Variants in CRISPLD2 observed in about 807,000 individuals in gnomAD.
CRISPLD2 encodes the protein cysteine rich secretory protein LCCL domain containing 2.
Under a neutral mutation model 71.1 loss-of-function variants are expected in CRISPLD2, and 47 were observed. That is an observed-to-expected ratio of 0.66 (90% CI 0.52 to 0.84). The LOEUF (loss-of-function observed/expected upper bound fraction) is 0.84, where lower values mean the gene tolerates loss of function less well. Ranked by LOEUF, CRISPLD2 falls within the 40% of genes least tolerant of loss-of-function variation. The pLI is 0.00. For synonymous variants in CRISPLD2, 317 were observed against 250.1 expected (o/e 1.27, Z -2.52); for missense variants, 830 against 651.1 (o/e 1.27, Z -2.99).
intron 4 of CRISPLD2, among the ~76,000 whole-genome samples, chr16:84,849,943 C>G (rs528871200): frequency 6.8e-6 from 1 of 147,690 alleles, no homozygotes; most frequent in Non-Finnish European, 1.5e-5. Flanking sequence ...CCAGGCTAGT[C>G]GCAAACTCCT....
chr16:84,859,363 C>A (rs1237734784), intron 6 of CRISPLD2, among the ~76,000 whole-genome samples: 1 of 152,216 alleles, frequency 6.6e-6, no homozygotes, highest in Non-Finnish European at 1.5e-5. Flanking sequence ...CTGGAGTCAA[C>A]ACCTGCTCAG....
chr16:84,904,578 G>A (rs772875065), intron 14 of CRISPLD2, among the ~76,000 whole-genome samples: 5 of 148,514 alleles, frequency 3.4e-5, no homozygotes, highest in Admixed American at 6.7e-5. Context: ...AGCGAGACTC[G>A]GTCTCAAAAA....
chr16:84,856,997 G>A (rs1326917907), intron 6 of CRISPLD2, among the ~76,000 whole-genome samples: 1 of 152,232 alleles, frequency 6.6e-6, no homozygotes, highest in Non-Finnish European at 1.5e-5. Flanking sequence ...GTGTTCCAGT[G>A]AGGACAAACC....
At chr16:84,863,496 C>G (rs1189699420) in intron 6 of CRISPLD2, among the ~76,000 whole-genome samples, 1 of 152,210 alleles carries the variant, frequency 6.6e-6, no homozygotes, top group Non-Finnish European at 1.5e-5. Flanking sequence ...TCCCCTCTCA[C>G]CCCCACCTGT....
In CRISPLD2 at chr16:84,850,648, G is replaced by A. The variant is rs147475865; in HGVS notation, c.573G>A (p.Glu191=). 528 of 1,614,164 alleles carry A rather than the reference G, an allele frequency of 3.3e-4. 1 individual carries two copies. The highest frequency in any genetic ancestry group is 6.7e-4 in the Admixed American group (40 of 60,026). ...TGACTGTCTGGGGAGAAGTTTGGGA[G>A]AACGCGGTCTACTTTGTCTGCAATT... ...RKMTVWGEVW[E]NAVYFVCNYS... Residue 191 remains glutamate, a synonymous_variant, in exon 5 of 15, where the codon GAG becomes GAA. Coordinates refer to ENST00000262424, the MANE Select transcript of CRISPLD2 (RefSeq NM_031476.4).
chr16:84,842,829 C>G (rs193121626), intron 2 of CRISPLD2, among the ~76,000 whole-genome samples: 22 of 152,104 alleles, frequency 1.4e-4, no homozygotes, highest in Admixed American at 1.4e-3. Context: ...GGCCTTGGTC[C>G]TCATGGGGCA....
intron 13 of CRISPLD2, 23 bp from the exon 14 acceptor site, chr16:84,889,207 C>T (rs2071639464): frequency 6.2e-7 from 1 of 1,613,802 alleles, no homozygotes; most frequent in Non-Finnish European, 8.5e-7. Flanking sequence ...CATCGCTGAT[C>T]ACAGCCCTTC....
At chr16:84,861,137 C>A (rs757147198) in intron 6 of CRISPLD2, among the ~76,000 whole-genome samples, 2 of 152,072 alleles carry the variant, frequency 1.3e-5, no homozygotes, top group Admixed American at 1.3e-4. Flanking sequence ...CCAAGGACTC[C>A]CAGTGTTCTC....
intron 12 of CRISPLD2, among the ~76,000 whole-genome samples, chr16:84,878,435 A>G (rs1001784573): frequency 2.8e-5 from 4 of 141,612 alleles, no homozygotes; most frequent in African/African-American, 9.6e-5. Context: ...GCGCCGTGGC[A>G]GGGTGTGGTC....
chr16:84,842,467 C>G (rs1003245221), intron 2 of CRISPLD2, among the ~76,000 whole-genome samples: 2 of 151,402 alleles, frequency 1.3e-5, no homozygotes, highest in South Asian at 4.2e-4. Context: ...CTCCACTTCC[C>G]GGTTCAAGCG....
chr16:84,873,781 C>T (rs2071495139), intron 10 of CRISPLD2, 139 bp from the exon 11 acceptor site: 4 of 798,790 alleles, frequency 5.0e-6, no homozygotes, highest in Non-Finnish European at 7.6e-6. Flanking sequence ...TAAGAGCTCT[C>T]AGGCTGATAG....
intron 14 of CRISPLD2, among the ~76,000 whole-genome samples, chr16:84,901,637 A>C (rs925410789): frequency 6.7e-6 from 1 of 150,016 alleles, no homozygotes; most frequent in African/African-American, 2.5e-5. Flanking sequence ...ATACCCAGCT[A>C]ATTTTTGTTT....
Position 84,850,549 on chromosome 16 carries a change from A to G in CRISPLD2, c.493-19A>G. ...TGCCTTATCCCTCGAGCTGTGACAC[A>G]CAAATGTCATCTTTTCAGATAGTTT... is the stretch of plus-strand genomic sequence containing the variant. On this transcript the variant is annotated intron_variant, in intron 4 of 14. Transcript: ENST00000262424. The G allele has an allele frequency of 6.2e-7, 1 of 1,608,280 alleles. No homozygotes were observed. The highest frequency in any genetic ancestry group is 8.5e-7 in the Non-Finnish European group (1 of 1,174,686).
chr16:84,889,662 A>G (rs1260540999), intron 14 of CRISPLD2, among the ~76,000 whole-genome samples: 1 of 152,068 alleles, frequency 6.6e-6, no homozygotes, highest in Non-Finnish European at 1.5e-5. Flanking sequence ...AACATCAGAT[A>G]AGCCCGAAGA....
chr16:84,849,767 G>A (rs1261177962), intron 4 of CRISPLD2, among the ~76,000 whole-genome samples: 3 of 105,952 alleles, frequency 2.8e-5, no homozygotes, highest in Non-Finnish European at 6.8e-5. Context: ...GGGCTGGAGT[G>A]CAGTGGCATG....
intron 12 of CRISPLD2, among the ~76,000 whole-genome samples, chr16:84,878,364 C>T (rs1207061316): frequency 1.3e-5 from 2 of 149,924 alleles, no homozygotes; most frequent in African/African-American, 5.1e-5. Context: ...CTCCCGGCCA[C>T]ACCCCTGCAC....
chr16:84,871,400 G>A (rs1317437870), intron 8 of CRISPLD2, among the ~76,000 whole-genome samples: 6 of 152,100 alleles, frequency 3.9e-5, no homozygotes, highest in African/African-American at 1.4e-4. Context: ...TTAGTTGGGT[G>A]TGGTTGTGCA....
chr16:84,833,836 G>A lies in CRISPLD2; in HGVS notation c.-74-4586G>A, dbSNP rs146574504. Among the ~76,000 whole-genome samples, 90 of 152,284 alleles carry A rather than the reference G, an allele frequency of 5.9e-4. No homozygotes were observed. In the South Asian group the frequency reaches 8.3e-3, roughly 14 times the overall value. On this transcript the variant is annotated intron_variant, in intron 1 of 14. Coordinates refer to ENST00000262424, the MANE Select transcript of CRISPLD2 (RefSeq NM_031476.4). The stretch of plus-strand genomic sequence containing the variant: ...CATCAACAGAGGCACCACGTGACCC[G>A]GGAGGCCCGTGCCCTGACTCCCCCA...
chr16:84,824,461 C>A (rs1047334134), intron 1 of CRISPLD2, among the ~76,000 whole-genome samples: 3 of 152,184 alleles, frequency 2.0e-5, no homozygotes, highest in African/African-American at 7.2e-5. Context: ...GCAGCAAATC[C>A]CCCCAGTCCA....
Sources: allele counts gnomAD v4.1 joint callset (sites outside exome capture counted in the v4.1 genomes callset), GRCh38; gene constraint gnomAD v4.1.1; transcripts MANE v1.5; gene names NCBI Gene and HGNC (gene_info 2026-07-23, HGNC 2026-07-21).